The following ZBTB16 variants were observed in gnomAD, a reference collection of about 807,000 sequenced individuals.
ZBTB16 encodes the protein zinc finger and BTB domain containing 16, also known as zinc finger and BTB domain-containing protein 16.
A neutral mutation model predicts 56.8 loss-of-function variants in ZBTB16; 8 were observed. The ratio of observed to expected loss-of-function variants is 0.14; its 90% CI spans 0.08 to 0.25. The LOEUF (loss-of-function observed/expected upper bound fraction) is 0.25. ZBTB16 is among the 10% of genes least tolerant of loss of function. ZBTB16 has a pLI of 1.00. For synonymous variants in ZBTB16, 363 were observed against 368.5 expected, an observed-to-expected ratio of 0.98 and a Z score of 0.17; for missense variants, 625 against 903.0, an observed-to-expected ratio of 0.69 and a Z score of 3.95.
At chr11:114,209,905 C>G (rs1943960918) in intron 4 of ZBTB16, 1 of 985,276 alleles carries the variant, frequency 1.0e-6, no homozygotes, top group African/African-American at 1.7e-5. Flanking sequence ...ATCTGTATGT[C>G]TGCTACAGTC....
intron 2 of ZBTB16, among the ~76,000 whole-genome samples, chr11:114,146,507 C>T (rs1942107282): frequency 6.6e-6 from 1 of 152,080 alleles, no homozygotes; most frequent in Non-Finnish European, 1.5e-5. Flanking sequence ...GAAGCCCTTT[C>T]AAAGTCAGAC....
chr11:114,122,291 C>T (rs112407718), intron 2 of ZBTB16, among the ~76,000 whole-genome samples: 39 of 152,252 alleles, frequency 2.6e-4, no homozygotes, highest in African/African-American at 9.4e-4. Context: ...TGGTTTGTGG[C>T]GTGTTCTTTG....
Position 114,134,698 on chromosome 11 carries a change from A to G in ZBTB16, c.1269-21639A>G, listed in dbSNP as rs974314439. Among the ~76,000 whole-genome samples, 3 of 152,326 alleles carry G rather than the reference A, an allele frequency of 2.0e-5. No individual in the cohort carries two copies. In the South Asian group the frequency reaches 6.2e-4, roughly 32 times the overall value. Reference sequence around the variant, plus strand: ...AGGCTCGAAGAACTGAAAATCCTCAAATGTGCTAAAAGCTTCATTATTGGT... The same window carrying G: ...AGGCTCGAAGAACTGAAAATCCTCAGATGTGCTAAAAGCTTCATTATTGGT... On this transcript the variant is annotated intron_variant, in intron 2 of 6. Transcript: ENST00000335953.
intron 1 of ZBTB16, among the ~76,000 whole-genome samples, chr11:114,061,720 G>A (rs953554824): frequency 2.6e-5 from 4 of 152,206 alleles, no homozygotes; most frequent in African/African-American, 9.7e-5. Flanking sequence ...GAGTCTAGGA[G>A]CCCTCTTATT....
At chr11:114,115,150 G>A (rs956274870) in intron 2 of ZBTB16, among the ~76,000 whole-genome samples, 2 of 151,962 alleles carry the variant, frequency 1.3e-5, no homozygotes, top group Admixed American at 6.6e-5. Flanking sequence ...CTCTACCCTC[G>A]CCTGAGACAC....
chr11:114,162,538 C>T (rs554384376), intron 3 of ZBTB16, among the ~76,000 whole-genome samples: 3 of 152,298 alleles, frequency 2.0e-5, no homozygotes, highest in Admixed American at 6.5e-5. Flanking sequence ...GAGCAAGAGA[C>T]TTGGGGCTGC....
At chr11:114,193,162 G>A (rs1379747232) in intron 4 of ZBTB16, among the ~76,000 whole-genome samples, 4 of 152,218 alleles carry the variant, frequency 2.6e-5, no homozygotes, top group Admixed American at 2.6e-4. Flanking sequence ...GGAGGAGGGA[G>A]AGGTCAGCTA....
intron 2 of ZBTB16, chr11:114,121,814 G>T (rs75138588): frequency 0.022 from 9,945 of 455,824 alleles, 160 homozygotes; most frequent in Non-Finnish European, 0.032. Context: ...TACTCTCAAT[G>T]CAGGGTCTTC....
chr11:114,171,567 C>T (rs1466209817), intron 3 of ZBTB16, among the ~76,000 whole-genome samples: 1 of 152,182 alleles, frequency 6.6e-6, no homozygotes, highest in African/African-American at 2.4e-5. Flanking sequence ...CCCGATATAG[C>T]CCCCGGCCCC....
intron 2 of ZBTB16, among the ~76,000 whole-genome samples, chr11:114,070,972 A>T (rs2137671952): frequency 6.6e-6 from 1 of 152,342 alleles, no homozygotes; most frequent in South Asian, 2.1e-4. Flanking sequence ...TGGTGAGGCC[A>T]GGTCTAGACC....
intron 3 of ZBTB16, among the ~76,000 whole-genome samples, chr11:114,163,890 T>A (rs1296844584): frequency 6.6e-6 from 1 of 152,252 alleles, no homozygotes; most frequent in African/African-American, 2.4e-5. Context: ...TTTTTAATAC[T>A]GCTAATGTTT....
intron 1 of ZBTB16, among the ~76,000 whole-genome samples, chr11:114,062,870 C>T (rs915438196): frequency 3.3e-5 from 5 of 152,194 alleles, no homozygotes; most frequent in Non-Finnish European, 7.4e-5. Flanking sequence ...TTGGCCTTGC[C>T]TAGGGAGCCC....
At chr11:114,095,579 G>A (rs960925573) in intron 2 of ZBTB16, among the ~76,000 whole-genome samples, 2 of 152,108 alleles carry the variant, frequency 1.3e-5, no homozygotes, top group African/African-American at 2.4e-5. Context: ...TTATACATAG[G>A]TTATGGAGCA....
intron 4 of ZBTB16, among the ~76,000 whole-genome samples, chr11:114,194,034 G>A (rs575602433): frequency 2.6e-5 from 4 of 152,254 alleles, no homozygotes; most frequent in Admixed American, 6.5e-5. Flanking sequence ...GATTGGTTCC[G>A]GGTGATCCTG....
chr11:114,219,249 C>A (rs1944175423), intron 4 of ZBTB16, among the ~76,000 whole-genome samples: 1 of 152,110 alleles, frequency 6.6e-6, no homozygotes, highest in Non-Finnish European at 1.5e-5. Flanking sequence ...TTTTTCATCA[C>A]CCTTTCTAGT....
At chr11:114,090,958 CT>C (rs1255618683) in intron 2 of ZBTB16, among the ~76,000 whole-genome samples, 1 of 152,236 alleles carries the variant, frequency 6.6e-6, no homozygotes, top group African/African-American at 2.4e-5. Flanking sequence ...CCCCTTCCCC[CT>C]GCCCTAAGGT....
At chr11:114,233,011 T>C (rs1944472493) in intron 4 of ZBTB16, among the ~76,000 whole-genome samples, 1 of 150,850 alleles carries the variant, frequency 6.6e-6, no homozygotes, top group African/African-American at 2.4e-5. Context: ...CCTCTCCGGA[T>C]TTACTTTCCA....
intron 4 of ZBTB16, chr11:114,209,418 A>G: frequency 1.0e-6 from 1 of 985,354 alleles, no homozygotes; most frequent in Non-Finnish European, 1.2e-6. Context: ...ATAAAAGGGC[A>G]AAAACAGGAG....
At chr11:114,124,806 G>C (rs1250218963) in intron 2 of ZBTB16, among the ~76,000 whole-genome samples, 1 of 152,206 alleles carries the variant, frequency 6.6e-6, no homozygotes. Flanking sequence ...CTCATTGTCA[G>C]TTGGACGCAG....
Sources: allele counts gnomAD v4.1 joint callset (sites outside exome capture counted in the v4.1 genomes callset), GRCh38; gene constraint gnomAD v4.1.1; transcripts MANE v1.5; gene names NCBI Gene and HGNC (gene_info 2026-07-23, HGNC 2026-07-21).